Variants in ETAA1 observed in about 807,000 individuals in gnomAD.
The protein encoded by ETAA1 is ETAA1 activator of ATR kinase.
ETAA1 carries 49 observed loss-of-function variants against 76.8 expected under a neutral mutation model. The ratio of observed to expected loss-of-function variants is 0.64; its 90% CI spans 0.51 to 0.81. ETAA1 has a LOEUF of 0.81. ETAA1 is among the 30% of genes least tolerant of loss of function. The probability of loss-of-function intolerance (pLI) is 0.00; values close to 1 mark genes in which losing one functional copy is unlikely to be tolerated. For synonymous variants in ETAA1, 373 were observed against 372.2 expected (o/e 1.00, Z -0.03); for missense variants, 1,099 against 1,074.0 (o/e 1.02, Z -0.32).
chr2:67,397,532 G>C lies in ETAA1; in HGVS notation c.84G>C (p.Ser28=). 4 of 1,588,202 alleles carry C rather than the reference G, an allele frequency of 2.5e-6. No homozygotes were observed. The highest frequency in any genetic ancestry group is 3.4e-6 in the Non-Finnish European group (4 of 1,167,510). Residue 28 remains serine (S), a synonymous_variant, in exon 1 of 6, where the codon TCG becomes TCC. Transcript: ENST00000272342. ...CAGTGGCGGCGGAGGAATGCGGCTC[G>C]GTGGTCGAGCCAGGGAGGAGGCGGC... ...HKTVAAEECG[S]VVEPGRRRLR...
At position 67,411,765 on chromosome 2, in the gene ETAA1, G is replaced by A. The variant is rs1364603919; in HGVS notation, c.*1727G>A. 1 of 151,866 alleles carries A rather than the reference G, an allele frequency of 6.6e-6. No individual in the cohort carries two copies. The highest frequency in any genetic ancestry group is 1.5e-5 in the Non-Finnish European group (1 of 67,946). The allele number at this position is 151,866 out of a possible 1,614,324, so 9.4% of individuals were successfully genotyped here. A position where few individuals can be genotyped will look rare whatever the true frequency, so the allele number is the denominator to read the frequency against. On this transcript the variant is annotated 3_prime_UTR_variant, in exon 6 of 6. Transcript: ENST00000272342. ...TAGCTAACCTATATTATTTTTCCAG[G>A]AATATATAATAACCTAGATAAATGC...
chr2:67,409,941 C>T lies in ETAA1; in HGVS notation c.2684C>T (p.Pro895Leu), dbSNP rs781027639. The change falls in exon 6 of 6, where the codon CCT (proline) becomes CTT (leucine). Residue 895 changes from proline (P) to leucine (L), a missense_variant. This residue lies in a region of ETAA1 where 302 missense variants were observed against 278.1 expected (regional missense o/e 1.09). Coordinates refer to ENST00000272342, the MANE Select transcript of ETAA1 (RefSeq NM_019002.4). ...GAAGAGAAAAATAGAAAGTGTTCTC[C>T]TGAAGAAATTCAGAGAAAAAGACAA... ...EEEEKNRKCS[P>L]EEIQRKRQEA... 3 of 1,605,604 alleles carry T rather than the reference C, an allele frequency of 1.9e-6. No homozygotes were observed. The East Asian group carries it at 6.7e-5, about 36-fold the overall frequency.
intron 5 of ETAA1, 147 bp from the exon 6 acceptor site, chr2:67,409,764 T>G: frequency 1.5e-6 from 1 of 682,058 alleles, no homozygotes; most frequent in Non-Finnish European, 2.4e-6. Flanking sequence ...TATTATGTAC[T>G]TAGAATTTTA....
At chr2:67,406,707 T>G (rs1264012585) in intron 5 of ETAA1, among the ~76,000 whole-genome samples, 2 of 152,090 alleles carry the variant, frequency 1.3e-5, no homozygotes, top group African/African-American at 4.8e-5. Flanking sequence ...TATAAAAAGA[T>G]ATGTGTGTGT....
intron 5 of ETAA1, 81 bp from the exon 6 acceptor site, chr2:67,409,830 T>TA: frequency 3.6e-6 from 5 of 1,400,914 alleles, no homozygotes; most frequent in Non-Finnish European, 4.8e-6. Flanking sequence ...TCTGGGTGAT[T>TA]AAAAAAAGCA....
In ETAA1 at chr2:67,404,441, A is replaced by G. The variant is rs139419691; in HGVS notation, c.1759A>G (p.Asn587Asp). 1.9e-6 allele frequency: 3 copies of G among 1,613,218 alleles called. No homozygotes were observed. Among genetic ancestry groups the G allele is most frequent in the Non-Finnish European group, 2.5e-6 (3 of 1,179,534 alleles). Reference sequence around the variant, plus strand: ...TGATTGGAATGATCCCTCATTTGCCAATGAAATTATTAAAGCATGTCATCA... The same window carrying G: ...TGATTGGAATGATCCCTCATTTGCCGATGAAATTATTAAAGCATGTCATCA... The part of the protein sequence containing the change: ...FDDWNDPSFA[N>D]EIIKACHQLD... Residue 587 changes from asparagine (N) to aspartate (D), a missense_variant, in exon 5 of 6, where the codon AAT (asparagine) becomes GAT (aspartate). Coordinates refer to ENST00000272342, the MANE Select transcript of ETAA1 (RefSeq NM_019002.4).
chr2:67,405,307 T>G lies in ETAA1; in HGVS notation c.2625T>G (p.Leu875=). 6.5e-7 allele frequency: 1 copy of G among 1,548,256 alleles called. No individual in the cohort carries two copies. The highest frequency in any genetic ancestry group is 1.4e-5 in the African/African-American group (1 of 72,194). The change falls in exon 5 of 6, where the codon CTT becomes CTG. Residue 875 remains leucine (L), a synonymous_variant. Transcript: ENST00000272342. ...EAVGQQSLVK[L]SESLKQSSKE... ...TTGGACAGCAATCTTTGGTGAAACT[T>G]TCTGAATCTTTGAAACAATCTTCAA...
At chr2:67,399,084 T>G (rs1675983359) in intron 1 of ETAA1, 85 bp from the exon 2 acceptor site, 2 of 1,196,824 alleles carry the variant, frequency 1.7e-6, no homozygotes, top group Non-Finnish European at 2.3e-6. Context: ...TAAAAGTTAG[T>G]CTCAGCTATT....
At chr2:67,399,457 A>G in intron 2 of ETAA1, 93 bp from the exon 3 acceptor site, 4 of 1,162,602 alleles carry the variant, frequency 3.4e-6, no homozygotes, top group Non-Finnish European at 5.0e-6. Context: ...TCTAAGCTGC[A>G]CTAAATAAAA....
Position 67,397,434 on chromosome 2 carries a change from G to A in ETAA1, c.-15G>A, listed in dbSNP as rs1335677983. The A allele has an allele frequency of 1.3e-6, 2 of 1,578,636 alleles. No homozygotes were observed. Among genetic ancestry groups the A allele is most frequent in the South Asian group, 1.1e-5 (1 of 87,078 alleles). On this transcript the variant is annotated 5_prime_UTR_variant, in exon 1 of 6. Coordinates refer to ENST00000272342, the MANE Select transcript of ETAA1 (RefSeq NM_019002.4). The stretch of plus-strand genomic sequence containing the variant: ...TGTGAAAGAAGAAGCGGCTGGTGGA[G>A]GCGGGCCATAGGCAATGAGTCGGCG...
chr2:67,405,411 AGT>A (rs1253557081), intron 5 of ETAA1, 76 bp downstream of exon 5: 10 of 1,170,250 alleles, frequency 8.5e-6, no homozygotes, highest in Non-Finnish European at 1.2e-5. Flanking sequence ...GTTGTTTTTG[AGT>A]GTGAGTAATG....
At position 67,410,080 on chromosome 2, in the gene ETAA1, T is replaced by TATC. The variant is rs758808101; in HGVS notation, c.*43_*45dup. ...AGACTTCACGAAGACTGCTGATAAC[T>TATC]ATCTGTGATTGATAGGAAATTTTTT... is the stretch of plus-strand genomic sequence containing the variant. On this transcript the variant is annotated 3_prime_UTR_variant, in exon 6 of 6. Transcript: ENST00000272342. 2.4e-5 allele frequency: 37 copies of TATC among 1,554,402 alleles called. No homozygotes were observed. The highest frequency in any genetic ancestry group is 3.1e-5 in the Non-Finnish European group (36 of 1,157,276).
chr2:67,409,883 T>TAA, intron 5 of ETAA1, 28 bp from the exon 6 acceptor site: 3 of 1,579,546 alleles, frequency 1.9e-6, no homozygotes, highest in Non-Finnish European at 2.6e-6. Context: ...GCTATAAAAG[T>TAA]AAAACTCATC....
chr2:67,410,719 C>T lies in ETAA1; in HGVS notation c.*681C>T, dbSNP rs1676350091. ...TGGCATCATTAACATTTAGAACTGGCAGAAACTTCATATGTCATCTGGTCC... is the reference window on the plus strand; with the variant it reads ...TGGCATCATTAACATTTAGAACTGGTAGAAACTTCATATGTCATCTGGTCC... On this transcript the variant is annotated 3_prime_UTR_variant, in exon 6 of 6. Transcript: ENST00000272342. The T allele has an allele frequency of 6.6e-6, 1 of 151,950 alleles. No homozygotes were observed. Among genetic ancestry groups the T allele is most frequent in the African/African-American group, 2.4e-5 (1 of 41,404 alleles). 9.4% of individuals were successfully genotyped at this position (151,950 alleles called of 1,614,324 possible).
intron 5 of ETAA1, among the ~76,000 whole-genome samples, chr2:67,409,496 T>C (rs1003655297): frequency 6.6e-6 from 1 of 152,006 alleles, no homozygotes; most frequent in South Asian, 2.1e-4. Context: ...CTGTTTGAGA[T>C]TGATAACTAA....
Position 67,404,337 on chromosome 2 carries a change from G to A in ETAA1, c.1655G>A (p.Gly552Asp). The change falls in exon 5 of 6, where the codon GGC becomes GAC. Residue 552 changes from glycine to aspartate, a missense_variant. By Grantham distance (94) the Gly-to-Asp change is moderately conservative. Coordinates refer to ENST00000272342, the MANE Select transcript of ETAA1 (RefSeq NM_019002.4). ...GCCCCTGTTAATACTGATCTTTTTG[G>A]CTCTGCAAATCTAGGCAGTAAAACC... Reference protein sequence around the residue: ...IKAPVNTDLFGSANLGSKTSV... With the variant: ...IKAPVNTDLFDSANLGSKTSV... The A allele has an allele frequency of 6.2e-7, 1 of 1,612,876 alleles. No individual in the cohort carries two copies. Among genetic ancestry groups the A allele is most frequent in the Non-Finnish European group, 8.5e-7 (1 of 1,179,368 alleles).
chr2:67,399,109 T>C, intron 1 of ETAA1, 60 bp from the exon 2 acceptor site: 1 of 1,499,770 alleles, frequency 6.7e-7, no homozygotes, highest in South Asian at 1.3e-5. Context: ...CTTGGGGTCT[T>C]ACGAAGTAAG....
chr2:67,410,347 A>AAT lies in ETAA1; in HGVS notation c.*310_*311dup, dbSNP rs1676340508. 1 of 201,878 alleles carries AAT rather than the reference A, an allele frequency of 5.0e-6. No individual in the cohort carries two copies. The highest frequency in any genetic ancestry group is 6.1e-5 in the Admixed American group (1 of 16,400). 12.5% of individuals were successfully genotyped at this position (201,878 alleles called of 1,614,324 possible). ...TGCAGAGGATCATCAAAAAAGAGGTAATCTACGTTATTTCCTATTCTAATG... is the reference window on the plus strand; with the variant it reads ...TGCAGAGGATCATCAAAAAAGAGGTAATATCTACGTTATTTCCTATTCTAATG... On this transcript the variant is annotated 3_prime_UTR_variant, in exon 6 of 6. Transcript: ENST00000272342.
At position 67,403,555 on chromosome 2, in the gene ETAA1, G is replaced by C; in HGVS notation, c.873G>C (p.Gln291His). The C allele has an allele frequency of 6.2e-7, 1 of 1,613,464 alleles. No individual in the cohort carries two copies. Among genetic ancestry groups the C allele is most frequent in the Non-Finnish European group, 8.5e-7 (1 of 1,179,482 alleles). The change falls in exon 5 of 6, where the codon CAG becomes CAC. Residue 291 changes from glutamine to histidine, a missense_variant. This residue lies in a region of ETAA1 where 761 missense variants were observed against 731.9 expected (regional missense o/e 1.04). Coordinates refer to ENST00000272342, the MANE Select transcript of ETAA1 (RefSeq NM_019002.4). Reference protein sequence around the residue: ...AFNAIFDGSTQKCSGQLSQEL... With the variant: ...AFNAIFDGSTHKCSGQLSQEL... ...ATGCTATTTTTGATGGTTCTACTCA[G>C]AAATGTAGCGGACAGTTAAGCCAAG...
Sources: allele counts gnomAD v4.1 joint callset (sites outside exome capture counted in the v4.1 genomes callset), GRCh38; gene constraint gnomAD v4.1.1; regional missense constraint gnomAD v4.1.1; transcripts MANE v1.5; gene names NCBI Gene and HGNC (gene_info 2026-07-23, HGNC 2026-07-21).